The following AP3B1 variants were observed in gnomAD, a reference collection of about 807,000 sequenced individuals.
AP3B1 encodes the protein AP-3 complex subunit beta-1.
Under a neutral mutation model 132.5 loss-of-function variants are expected in AP3B1, and 61 were observed. The ratio of observed to expected loss-of-function variants is 0.46; its 90% CI spans 0.37 to 0.57. AP3B1 has a LOEUF of 0.57. Ranked by LOEUF, AP3B1 falls within the 20% of genes least tolerant of loss-of-function variation. AP3B1 has a pLI of 0.00. For synonymous variants in AP3B1, 388 were observed against 438.3 expected, an observed-to-expected ratio of 0.89 and a Z score of 1.43; for missense variants, 1,120 against 1,289.4, an observed-to-expected ratio of 0.87 and a Z score of 2.01.
intron 22 of AP3B1, among the ~76,000 whole-genome samples, chr5:78,064,077 T>TAA (rs539194896): frequency 7.0e-6 from 1 of 143,872 alleles, no homozygotes; most frequent in African/African-American, 2.5e-5. Flanking sequence ...CAGTGGACAT[T>TAA]AAAAAAAAAA....
chr5:78,289,960 T>TC (rs1749443330), intron 1 of AP3B1, among the ~76,000 whole-genome samples: 1 of 152,140 alleles, frequency 6.6e-6, no homozygotes, highest in African/African-American at 2.4e-5. Flanking sequence ...CCATCTTTCC[T>TC]CCCCCTGGCA....
chr5:78,058,966 G>C (rs1748931323), intron 22 of AP3B1, among the ~76,000 whole-genome samples: 1 of 152,106 alleles, frequency 6.6e-6, no homozygotes, highest in South Asian at 2.1e-4. Context: ...TAAGTGAGGT[G>C]GTATACAGAA....
chr5:78,245,367 G>A (rs114391195), intron 2 of AP3B1, among the ~76,000 whole-genome samples: 2,445 of 152,272 alleles, frequency 0.016, 72 homozygotes, highest in African/African-American at 0.056. Context: ...GAGCCTGCAC[G>A]CCTGTTCACA....
chr5:78,122,223 A>G (rs1752241083), intron 17 of AP3B1, among the ~76,000 whole-genome samples: 1 of 152,248 alleles, frequency 6.6e-6, no homozygotes, highest in African/African-American at 2.4e-5. Flanking sequence ...ATCTATGACA[A>G]ACCCACAGCC....
intron 25 of AP3B1, among the ~76,000 whole-genome samples, chr5:78,017,081 C>T (rs1746889628): frequency 6.6e-6 from 1 of 152,070 alleles, no homozygotes; most frequent in African/African-American, 2.4e-5. Flanking sequence ...ATGGATAGCA[C>T]TCAGAGAAGT....
chr5:78,188,899 A>G (rs1367106419), intron 7 of AP3B1, among the ~76,000 whole-genome samples: 2 of 152,216 alleles, frequency 1.3e-5, no homozygotes, highest in Non-Finnish European at 2.9e-5. Context: ...ATGCAGCCAT[A>G]AAAAGGAACG....
chr5:78,138,746 C>A (rs1753016313), intron 15 of AP3B1, among the ~76,000 whole-genome samples: 1 of 151,830 alleles, frequency 6.6e-6, no homozygotes, highest in South Asian at 2.1e-4. Context: ...CCGAGGTGAG[C>A]AGATCACTTG....
chr5:78,127,383 C>A (rs1350504733), intron 17 of AP3B1, among the ~76,000 whole-genome samples: 1 of 151,974 alleles, frequency 6.6e-6, no homozygotes, highest in African/African-American at 2.4e-5. Flanking sequence ...CTCACTTTTT[C>A]TTGTATATAT....
chr5:78,183,376 A>T (rs1483423916), intron 7 of AP3B1, among the ~76,000 whole-genome samples: 1 of 152,218 alleles, frequency 6.6e-6, no homozygotes, highest in African/African-American at 2.4e-5. Flanking sequence ...TCCAAGTTTC[A>T]ATTAAAAAAT....
At chr5:78,100,016 C>T (rs1751063080) in intron 21 of AP3B1, among the ~76,000 whole-genome samples, 1 of 152,074 alleles carries the variant, frequency 6.6e-6, no homozygotes. Flanking sequence ...TCTGTTTCTC[C>T]AAATCTTAGC....
At chr5:78,097,243 T>G (rs1182009442) in intron 21 of AP3B1, among the ~76,000 whole-genome samples, 3 of 66,022 alleles carry the variant, frequency 4.5e-5, no homozygotes, top group African/African-American at 1.9e-4. Flanking sequence ...GGTGGGGGGG[T>G]CAGCCCCCCG....
At chr5:78,176,962 A>C (rs1234306580) in intron 9 of AP3B1, among the ~76,000 whole-genome samples, 1 of 152,214 alleles carries the variant, frequency 6.6e-6, no homozygotes, top group Non-Finnish European at 1.5e-5. Flanking sequence ...GTATTAATAC[A>C]TTGAGTAAGT....
At chr5:78,247,202 C>G (rs1747413641) in intron 2 of AP3B1, among the ~76,000 whole-genome samples, 1 of 150,538 alleles carries the variant, frequency 6.6e-6, no homozygotes, top group Admixed American at 6.6e-5. Flanking sequence ...AATTTTAATT[C>G]TTTTAAGTTT....
Position 78,039,247 on chromosome 5 carries a change from T to C in AP3B1, c.2605A>G (p.Lys869Glu). ...SVSTPAFVPTKTHVLLHRMSG... is the reference protein window; with the variant it reads ...SVSTPAFVPTETHVLLHRMSG... ...ATTCGATGAAGCAGCACGTGAGTTTTCGTTGGTACAAATGCAGGAGTACTG... is the reference window on the plus strand; with the variant it reads ...ATTCGATGAAGCAGCACGTGAGTTTCCGTTGGTACAAATGCAGGAGTACTG... Residue 869 changes from lysine (K) to glutamate (E), a missense_variant, in exon 23 of 27, where the codon AAA becomes GAA. By Grantham distance (56) the Lys-to-Glu change is moderately conservative. Coordinates refer to ENST00000255194, the MANE Select transcript of AP3B1 (RefSeq NM_003664.5). 1.2e-6 allele frequency: 2 copies of C among 1,614,154 alleles called. No homozygotes were observed. The highest frequency in any genetic ancestry group is 1.7e-6 in the Non-Finnish European group (2 of 1,180,006).
intron 19 of AP3B1, among the ~76,000 whole-genome samples, chr5:78,111,065 A>G (rs975218519): frequency 6.6e-5 from 10 of 152,062 alleles, no homozygotes; most frequent in African/African-American, 2.2e-4. Flanking sequence ...GTTTAGTAAT[A>G]TATTTAAATA....
chr5:78,039,457 A>T (rs1273108437), intron 22 of AP3B1, among the ~76,000 whole-genome samples, 183 bp from the exon 23 acceptor site: 1 of 152,144 alleles, frequency 6.6e-6, no homozygotes. Flanking sequence ...CAAAGAAGTA[A>T]ATGCCCTCAA....
At chr5:78,093,966 C>T (rs1354526826) in intron 21 of AP3B1, among the ~76,000 whole-genome samples, 1 of 152,252 alleles carries the variant, frequency 6.6e-6, no homozygotes, top group African/African-American at 2.4e-5. Context: ...AGTGACTCCA[C>T]TCTACTGCCT....
intron 7 of AP3B1, among the ~76,000 whole-genome samples, chr5:78,186,078 T>C (rs371723716): frequency 1.3e-5 from 2 of 152,126 alleles, no homozygotes; most frequent in African/African-American, 4.8e-5. Context: ...TAAATCAGTA[T>C]GCTGATTAAA....
chr5:78,101,109 T>C, intron 20 of AP3B1, 84 bp from the exon 21 acceptor site: 1 of 777,524 alleles, frequency 1.3e-6, no homozygotes, highest in Non-Finnish European at 2.1e-6. Flanking sequence ...AAACAAACTT[T>C]TTTTTCCTCT....
Sources: allele counts gnomAD v4.1 joint callset (sites outside exome capture counted in the v4.1 genomes callset), GRCh38; gene constraint gnomAD v4.1.1; transcripts MANE v1.5; gene names NCBI Gene and HGNC (gene_info 2026-07-23, HGNC 2026-07-21).